Variants in ETNK1 observed in about 807,000 individuals in gnomAD.
ETNK1 encodes the protein putative protein product of Nbla10396.
ETNK1 carries 8 observed loss-of-function variants against 45.1 expected under a neutral mutation model. That is an observed-to-expected ratio of 0.18 (90% CI 0.10 to 0.32). The LOEUF (loss-of-function observed/expected upper bound fraction) is 0.32. Among genes scored for constraint, ETNK1 ranks in the 10% least tolerant of loss-of-function variants. The probability of loss-of-function intolerance (pLI) is 1.00; values close to 1 mark genes in which losing one functional copy is unlikely to be tolerated. For synonymous variants in ETNK1, 152 were observed against 151.9 expected, an observed-to-expected ratio of 1.00 and a Z score of -0.01; for missense variants, 302 against 430.6, an observed-to-expected ratio of 0.70 and a Z score of 2.64.
chr12:22,643,917 G>T lies in ETNK1; in HGVS notation c.311G>T (p.Gly104Val), dbSNP rs763554962. The part of the protein sequence containing the change: ...VKSFRVLQAH[G>V]CAPQLYCTFN... Reference sequence around the variant, plus strand: ...AGTTTTCGAGTGTTGCAGGCTCATGGGTGTGCACCACAACTCTACTGTACC... The same window carrying T: ...AGTTTTCGAGTGTTGCAGGCTCATGTGTGTGCACCACAACTCTACTGTACC... Residue 104 changes from glycine (G) to valine (V), a missense_variant, in exon 2 of 8, where the codon GGG becomes GTG. By Grantham distance (109) the Gly-to-Val change is moderately radical (BLOSUM62 -3). Transcript: ENST00000266517. 1 of 1,613,352 alleles carries T rather than the reference G, an allele frequency of 6.2e-7. No homozygotes were observed. The highest frequency in any genetic ancestry group is 8.5e-7 in the Non-Finnish European group (1 of 1,179,478).
At chr12:22,660,573 A>G (rs1953989546) in intron 3 of ETNK1, among the ~76,000 whole-genome samples, 1 of 152,168 alleles carries the variant, frequency 6.6e-6, no homozygotes, top group South Asian at 2.1e-4. Flanking sequence ...TCAACTGTAG[A>G]CAGTAATCTT....
intron 4 of ETNK1, among the ~76,000 whole-genome samples, chr12:22,669,891 A>G (rs1954090719): frequency 6.6e-6 from 1 of 152,110 alleles, no homozygotes; most frequent in Admixed American, 6.6e-5. Flanking sequence ...TTTAAATCTT[A>G]TATTTATTAT....
At chr12:22,654,713 C>G (rs931760870) in intron 2 of ETNK1, among the ~76,000 whole-genome samples, 4 of 152,064 alleles carry the variant, frequency 2.6e-5, no homozygotes, top group African/African-American at 7.2e-5. Context: ...ATAAAGCAAT[C>G]TTTATTATTA....
intron 1 of ETNK1, among the ~76,000 whole-genome samples, chr12:22,630,169 A>G (rs1953556206): frequency 1.3e-5 from 2 of 152,234 alleles, no homozygotes; most frequent in African/African-American, 2.4e-5. Flanking sequence ...TAAAGTCTCT[A>G]TAAAATGGTA....
chr12:22,628,735 A>T (rs1953536651), intron 1 of ETNK1, among the ~76,000 whole-genome samples: 1 of 152,044 alleles, frequency 6.6e-6, no homozygotes, highest in South Asian at 2.1e-4. Context: ...TTTTCTCACT[A>T]ACTTGTCACT....
intron 6 of ETNK1, among the ~76,000 whole-genome samples, chr12:22,683,517 AGAAT>A (rs1954232940): frequency 6.6e-6 from 1 of 152,186 alleles, no homozygotes; most frequent in Non-Finnish European, 1.5e-5. Flanking sequence ...TGTAGAATAC[AGAAT>A]GGCTAATATT....
chr12:22,668,913 G>A (rs1954079898), intron 4 of ETNK1, among the ~76,000 whole-genome samples: 1 of 152,118 alleles, frequency 6.6e-6, no homozygotes, highest in African/African-American at 2.4e-5. Flanking sequence ...TCTACAAGCA[G>A]GGATGTTTTA....
At chr12:22,644,934 A>G (rs1046940389) in intron 2 of ETNK1, among the ~76,000 whole-genome samples, 2 of 151,966 alleles carry the variant, frequency 1.3e-5, no homozygotes, top group Non-Finnish European at 2.9e-5. Context: ...AAGTTAATAC[A>G]CTGACAAAAA....
intron 1 of ETNK1, among the ~76,000 whole-genome samples, chr12:22,630,356 G>A (rs1447139194): frequency 1.3e-5 from 2 of 152,184 alleles, no homozygotes; most frequent in Non-Finnish European, 2.9e-5. Context: ...TGTAATGCTA[G>A]TTTTCAGTAA....
chr12:22,635,769 C>T (rs1953648415), intron 1 of ETNK1, among the ~76,000 whole-genome samples: 1 of 152,034 alleles, frequency 6.6e-6, no homozygotes, highest in African/African-American at 2.4e-5. Flanking sequence ...TGTGTTATTG[C>T]TATCTAGCTC....
intron 2 of ETNK1, among the ~76,000 whole-genome samples, chr12:22,658,232 A>G (rs1953963978): frequency 6.6e-6 from 1 of 152,142 alleles, no homozygotes; most frequent in South Asian, 2.1e-4. Context: ...GAGAGAACAG[A>G]GGGGCCTCAA....
chr12:22,682,655 T>C (rs1954224388), intron 6 of ETNK1, among the ~76,000 whole-genome samples: 2 of 152,200 alleles, frequency 1.3e-5, no homozygotes, highest in African/African-American at 4.8e-5. Context: ...CATTCTTTAG[T>C]GACATTGGCT....
chr12:22,651,861 T>C (rs531259202), intron 2 of ETNK1, among the ~76,000 whole-genome samples: 4 of 151,820 alleles, frequency 2.6e-5, no homozygotes, highest in Non-Finnish European at 5.9e-5. Flanking sequence ...GAGTTTTGTA[T>C]TTTTTAGTAG....
intron 6 of ETNK1, among the ~76,000 whole-genome samples, chr12:22,675,529 A>T (rs1217111179): frequency 6.6e-6 from 1 of 151,728 alleles, no homozygotes; most frequent in African/African-American, 2.4e-5. Flanking sequence ...CTGATTTTTT[A>T]AAACTTTTTG....
intron 6 of ETNK1, among the ~76,000 whole-genome samples, chr12:22,674,959 C>T (rs10842048): frequency 0.36 from 54,225 of 152,096 alleles, 10,027 homozygotes; most frequent in Non-Finnish European, 0.41. Flanking sequence ...AAAAAATGCA[C>T]TCTTTCAAAA....
chr12:22,660,928 A>T, intron 3 of ETNK1, 135 bp from the exon 4 acceptor site: 1 of 695,112 alleles, frequency 1.4e-6, no homozygotes, highest in East Asian at 3.1e-5. Flanking sequence ...TTTGAAATAG[A>T]ATAATTGGTC....
chr12:22,689,114 G>A lies in ETNK1; in HGVS notation c.*4160G>A, dbSNP rs975165068. ...ACTTGAAAACTGAAATTAATAAGAT[G>A]TATTACATAATGAATTAGATTTCTC... is the stretch of plus-strand genomic sequence containing the variant. On this transcript the variant is annotated 3_prime_UTR_variant, in exon 8 of 8. Coordinates refer to ENST00000266517, the MANE Select transcript of ETNK1 (RefSeq NM_018638.5). 1 of 151,802 alleles carries A rather than the reference G, an allele frequency of 6.6e-6. No individual in the cohort carries two copies. The highest frequency in any genetic ancestry group is 2.4e-5 in the African/African-American group (1 of 41,374). 9.4% of individuals were successfully genotyped at this position (151,802 alleles called of 1,614,324 possible).
intron 1 of ETNK1, among the ~76,000 whole-genome samples, chr12:22,639,369 A>G (rs376057830): frequency 6.6e-6 from 1 of 151,982 alleles, no homozygotes; most frequent in Non-Finnish European, 1.5e-5. Context: ...TTTAACCCCT[A>G]TATTTTCTTA....
chr12:22,656,844 A>G, intron 2 of ETNK1: 1 of 966,944 alleles, frequency 1.0e-6, no homozygotes, highest in Non-Finnish European at 1.2e-6. Flanking sequence ...CTCCTAAATC[A>G]TCTGTTTCAT....
Sources: gnomAD v4.1 joint callset for allele counts (sites outside exome capture counted in the v4.1 genomes callset) on GRCh38, gnomAD v4.1.1 for gene constraint, MANE v1.5 for transcripts, NCBI Gene and HGNC (gene_info 2026-07-23, HGNC 2026-07-21) for gene names.